The following GPSM2 variants were observed in gnomAD, a reference collection of about 807,000 sequenced individuals.
GPSM2 encodes G protein-signaling modulator 2.
In GPSM2, 58 loss-of-function variants were observed where a neutral mutation model predicts 78.4. That is an observed-to-expected ratio of 0.74 (90% CI 0.60 to 0.92). The LOEUF (loss-of-function observed/expected upper bound fraction) is 0.92. GPSM2 is among the 40% of genes least tolerant of loss of function. The pLI, the probability that GPSM2 is intolerant of heterozygous loss-of-function variation, is 0.00. For missense variants in GPSM2, 700 were observed against 815.5 expected (o/e 0.86, Z 1.73); for synonymous variants, 224 against 280.2 (o/e 0.80, Z 2.00).
chr1:108,914,195 C>A, intron 10 of GPSM2, 143 bp from the exon 11 acceptor site: 1 of 612,714 alleles, frequency 1.6e-6, no homozygotes. Context: ...AATTATTATT[C>A]TTGGAAGAAT....
At chr1:108,902,854 T>G (rs1381246011) in intron 8 of GPSM2, among the ~76,000 whole-genome samples, 1 of 152,188 alleles carries the variant, frequency 6.6e-6, no homozygotes, top group East Asian at 1.9e-4. Context: ...TACCTATCCT[T>G]GAGATTTATT....
chr1:108,882,844 GATTTGATGTGTTGATAGCTGCT>G (rs1487859539), intron 1 of GPSM2, among the ~76,000 whole-genome samples: 4 of 152,188 alleles, frequency 2.6e-5, no homozygotes, highest in African/African-American at 7.2e-5. Flanking sequence ...AAGGAAAAGA[GATTTGATGTGTTGATAGCTGCT>G]ATTTGATGTG....
chr1:108,914,483 T>G (rs1270363555), intron 11 of GPSM2, 75 bp downstream of exon 11: 4 of 1,063,242 alleles, frequency 3.8e-6, no homozygotes, highest in Non-Finnish European at 5.6e-6. Context: ...TTTAATGAAA[T>G]AATTTAAATA....
At chr1:108,929,012 T>G (rs839854) in intron 14 of GPSM2, among the ~76,000 whole-genome samples, 71,074 of 149,550 alleles carry the variant, frequency 0.48, 17,515 homozygotes, top group African/African-American at 0.6. Flanking sequence ...AAAAAATTCA[T>G]TCTGGGCTAT....
Position 108,924,121 on chromosome 1 carries a change from A to G in GPSM2, c.1722A>G (p.Leu574=), listed in dbSNP as rs762464746. ...TCAGTAATTTGCCAGGGCTTCGTCTAACACAAAACAGCCAGTCGGTACTTA... is the reference window on the plus strand; with the variant it reads ...TCAGTAATTTGCCAGGGCTTCGTCTGACACAAAACAGCCAGTCGGTACTTA... ...ASFSNLPGLR[L]TQNSQSVLSH... is the part of the protein sequence containing the mutation. The change falls in exon 14 of 15, where the codon CTA becomes CTG. Residue 574 remains leucine (L), a synonymous_variant. Coordinates refer to ENST00000264126, the MANE Select transcript of GPSM2 (RefSeq NM_013296.5). The G allele has an allele frequency of 6.2e-7, 1 of 1,613,844 alleles. No homozygotes were observed. The highest frequency in any genetic ancestry group is 8.5e-7 in the Non-Finnish European group (1 of 1,179,764).
At chr1:108,923,620 G>A (rs1650904060) in intron 13 of GPSM2, among the ~76,000 whole-genome samples, 1 of 152,196 alleles carries the variant, frequency 6.6e-6, no homozygotes, top group South Asian at 2.1e-4. Context: ...TGTATCCAGG[G>A]CTTGGAATAA....
rs1190347320 is a variant in GPSM2, at chr1:108,914,331, A to G, written c.1193-7A>G. 6.3e-7 allele frequency: 1 copy of G among 1,599,806 alleles called. No homozygotes were observed. Among genetic ancestry groups the G allele is most frequent in the East Asian group, 2.2e-5 (1 of 44,780 alleles). Reference sequence around the variant, plus strand: ...GGTTTATTTGAATTAATTTTTTTTAAACAAAGGTGTACGCCCCAAGTTGGG... The same window carrying G: ...GGTTTATTTGAATTAATTTTTTTTAGACAAAGGTGTACGCCCCAAGTTGGG... On this transcript the variant is annotated splice_region_variant and splice_polypyrimidine_tract_variant and intron_variant, in intron 10 of 14. Transcript: ENST00000264126.
chr1:108,881,528 CATT>C (rs1665900756), intron 1 of GPSM2, among the ~76,000 whole-genome samples: 1 of 152,172 alleles, frequency 6.6e-6, no homozygotes, highest in Non-Finnish European at 1.5e-5. Flanking sequence ...TGAGTGAACA[CATT>C]ATTGCTAAAT....
At chr1:108,897,407 C>A in intron 3 of GPSM2, 85 bp from the exon 4 acceptor site, 2 of 1,355,984 alleles carry the variant, frequency 1.5e-6, no homozygotes, top group Non-Finnish European at 2.0e-6. Flanking sequence ...TCTTGGAAAA[C>A]TGTACTCTGG....
intron 12 of GPSM2, among the ~76,000 whole-genome samples, 182 bp downstream of exon 12, chr1:108,918,971 A>G (rs1479189186): frequency 6.6e-6 from 1 of 151,984 alleles, no homozygotes; most frequent in Non-Finnish European, 1.5e-5. Context: ...GTCTTAGTAG[A>G]TAAGTTGCTT....
chr1:108,909,334 A>G (rs971916177), intron 10 of GPSM2, among the ~76,000 whole-genome samples: 1 of 152,224 alleles, frequency 6.6e-6, no homozygotes, highest in Non-Finnish European at 1.5e-5. Flanking sequence ...AAACATTTAC[A>G]GAAAACTGAC....
chr1:108,892,056 G>T (rs998953997), intron 2 of GPSM2, among the ~76,000 whole-genome samples: 1 of 152,130 alleles, frequency 6.6e-6, no homozygotes, highest in African/African-American at 2.4e-5. Context: ...GATGGAAAAG[G>T]TTCATGCCCA....
chr1:108,890,840 A>G (rs1647914736), intron 2 of GPSM2, among the ~76,000 whole-genome samples: 1 of 152,136 alleles, frequency 6.6e-6, no homozygotes, highest in Non-Finnish European at 1.5e-5. Context: ...TTTTGCACCT[A>G]TTTCAAAAGG....
Position 108,898,110 on chromosome 1 carries a change from G to T in GPSM2, c.557+9G>T. 6.2e-7 allele frequency: 1 copy of T among 1,612,488 alleles called. No individual in the cohort carries two copies. Among genetic ancestry groups the T allele is most frequent in the South Asian group, 1.1e-5 (1 of 91,030 alleles). ...GCCGTGGATTTTTATGAGTGAGTAG[G>T]GGCTGATATGGGCAGTCATGTAGGC... On this transcript the variant is annotated intron_variant, in intron 5 of 14. Coordinates refer to ENST00000264126, the MANE Select transcript of GPSM2 (RefSeq NM_013296.5).
In GPSM2 at chr1:108,904,156, G is replaced by A. The variant is rs751581246; in HGVS notation, c.1094G>A (p.Arg365Gln). 10 of 1,599,700 alleles carry A rather than the reference G, an allele frequency of 6.3e-6. No homozygotes were observed. The highest frequency in any genetic ancestry group is 3.3e-5 in the South Asian group (3 of 90,788). The change falls in exon 10 of 15, where the codon CGA becomes CAA. Residue 365 changes from arginine to glutamine, a missense_variant. Physicochemically the swap from Arg to Gln is conservative, Grantham distance 43. Transcript: ENST00000264126. ...GATAAAAGTGGTGAACTAACAGCACGACTTAATCTCTCAGACCTTCAAATG... is the reference window on the plus strand; with the variant it reads ...GATAAAAGTGGTGAACTAACAGCACAACTTAATCTCTCAGACCTTCAAATG... Reference protein sequence around the residue: ...VGDKSGELTARLNLSDLQMVL... With the variant: ...VGDKSGELTAQLNLSDLQMVL...
chr1:108,896,201 T>C (rs1042854139), intron 2 of GPSM2, among the ~76,000 whole-genome samples: 6 of 152,202 alleles, frequency 3.9e-5, no homozygotes, highest in Non-Finnish European at 8.8e-5. Context: ...ACTTTCAAAA[T>C]TAGTATTTCT....
At chr1:108,904,363 C>A in intron 10 of GPSM2, 109 bp downstream of exon 10, 1 of 587,058 alleles carries the variant, frequency 1.7e-6, no homozygotes. Context: ...ATGGGAAGTT[C>A]AACTTATTAC....
At chr1:108,904,979 T>TA (rs58402227) in intron 10 of GPSM2, among the ~76,000 whole-genome samples, 2 of 151,974 alleles carry the variant, frequency 1.3e-5, no homozygotes, top group South Asian at 2.1e-4. Context: ...ATTCTCAGTC[T>TA]AAAAAAAACT....
At chr1:108,927,388 G>A (rs1420627496) in intron 14 of GPSM2, among the ~76,000 whole-genome samples, 1 of 152,110 alleles carries the variant, frequency 6.6e-6, no homozygotes, top group African/African-American at 2.4e-5. Flanking sequence ...TTTATTTCAG[G>A]TTATTACAAA....
Sources: allele counts gnomAD v4.1 joint callset (sites outside exome capture counted in the v4.1 genomes callset), GRCh38; gene constraint gnomAD v4.1.1; transcripts MANE v1.5; gene names NCBI Gene and HGNC (gene_info 2026-07-23, HGNC 2026-07-21).